ORC5: variants seen among roughly 807,000 people sequenced by gnomAD.
ORC5 encodes the protein origin recognition complex subunit 5.
Under a neutral mutation model 58.8 loss-of-function variants are expected in ORC5, and 39 were observed. The ratio of observed to expected loss-of-function variants is 0.66; its 90% CI spans 0.51 to 0.87. ORC5 has a LOEUF of 0.87. Among genes scored for constraint, ORC5 ranks in the 40% least tolerant of loss-of-function variants. The pLI is 0.00. For synonymous variants in ORC5, 218 were observed against 177.6 expected (o/e 1.23, Z -1.81); for missense variants, 493 against 506.3 (o/e 0.97, Z 0.25).
At chr7:104,128,393 G>A (rs1798461983) in intron 13 of ORC5, among the ~76,000 whole-genome samples, 1 of 152,134 alleles carries the variant, frequency 6.6e-6, no homozygotes, top group African/African-American at 2.4e-5. Context: ...AAAGTGCTAG[G>A]ATCACAGGCG....
chr7:104,176,995 A>T (rs1799335681), intron 8 of ORC5, among the ~76,000 whole-genome samples: 1 of 152,238 alleles, frequency 6.6e-6, no homozygotes, highest in Non-Finnish European at 1.5e-5. Context: ...TTGTTGGTTT[A>T]ATAAAAACAG....
intron 9 of ORC5, chr7:104,168,184 T>C: frequency 1.4e-6 from 1 of 731,794 alleles, no homozygotes; most frequent in Non-Finnish European, 1.8e-6. Context: ...TGTCACATAA[T>C]TAGATTGCTT....
intron 4 of ORC5, among the ~76,000 whole-genome samples, chr7:104,197,473 CTAAAA>C (rs1799827206): frequency 6.6e-6 from 1 of 152,074 alleles, no homozygotes; most frequent in African/African-American, 2.4e-5. Flanking sequence ...CTAGCAACAT[CTAAAA>C]CTTTTAATAG....
chr7:104,204,663 AT>A (rs1403519610), intron 1 of ORC5, among the ~76,000 whole-genome samples: 27 of 152,338 alleles, frequency 1.8e-4, no homozygotes, highest in South Asian at 6.2e-4. Flanking sequence ...TAAAGTACAT[AT>A]AATCAAAAGA....
At chr7:104,139,998 T>C (rs894589731) in intron 12 of ORC5, among the ~76,000 whole-genome samples, 3 of 152,066 alleles carry the variant, frequency 2.0e-5, no homozygotes, top group African/African-American at 7.2e-5. Flanking sequence ...TTACGTTTTG[T>C]TGACAAACCT....
rs142978774 is a variant in ORC5, at chr7:104,204,160, C to T, written c.147G>A (p.Thr49=). ...TTCTTACCTCTAAAGTTTTCAACAA[C>T]GTTTGTGTTACATAGGTCTTTCCAC... The part of the protein sequence containing the change: ...TASGKTYVTQ[T]LLKTLELPHV... The change falls in exon 2 of 14, where the codon ACG becomes ACA. Residue 49 remains threonine (T), a synonymous_variant. Transcript: ENST00000297431. The T allele has an allele frequency of 1.1e-4, 177 of 1,574,650 alleles. No homozygotes were observed. Among genetic ancestry groups the T allele is most frequent in the Non-Finnish European group, 1.5e-4 (168 of 1,154,600 alleles).
Position 104,133,503 on chromosome 7 carries a change from G to A in ORC5, c.1262+3278C>T, listed in dbSNP as rs1798544619. 6.6e-6 allele frequency among the ~76,000 whole-genome samples: 1 copy of A among 152,152 alleles called. No homozygotes were observed. Among genetic ancestry groups the A allele is most frequent in the Admixed American group, 6.5e-5 (1 of 15,284 alleles). On this transcript the variant is annotated intron_variant, in intron 13 of 13. Transcript: ENST00000297431. This position sits in a 1 kb window ranked among gnomAD's most constrained non-coding sequence, Gnocchi z 4.7. ...AGGAAAGCCAGATATTTCACTTTTT[G>A]TTGGTGGGTTGAAGCAGAGGTTAGA... is the stretch of plus-strand genomic sequence containing the variant.
intron 12 of ORC5, among the ~76,000 whole-genome samples, chr7:104,160,677 T>C (rs549193364): frequency 4.6e-5 from 7 of 152,222 alleles, no homozygotes; most frequent in Admixed American, 6.5e-5. Flanking sequence ...GCAAAGTACA[T>C]AGATGAGGAA....
rs1486863677 is a variant in ORC5 at position 104,145,538 on chromosome 7, A to C, written c.1150-8645T>G. ...ATTGAGCTTTGAATTACCAAGGAAC[A>C]CATTTCAGGAACAAACACTAACAAA... is the stretch of plus-strand genomic sequence containing the variant. On this transcript the variant is annotated intron_variant, in intron 12 of 13. Coordinates refer to ENST00000297431, the MANE Select transcript of ORC5 (RefSeq NM_002553.4). Among the ~76,000 whole-genome samples, 5 of 152,186 alleles carry C rather than the reference A, an allele frequency of 3.3e-5. No homozygotes were observed. The East Asian group carries it at 9.6e-4, about 29-fold the overall frequency.
intron 13 of ORC5, among the ~76,000 whole-genome samples, chr7:104,134,183 A>G (rs1798554091): frequency 6.6e-6 from 1 of 152,010 alleles, no homozygotes; most frequent in South Asian, 2.1e-4. Context: ...GGCCTTTGGG[A>G]GGCCGATGCA....
intron 12 of ORC5, among the ~76,000 whole-genome samples, chr7:104,145,698 C>A (rs1022209550): frequency 6.6e-6 from 1 of 151,954 alleles, no homozygotes; most frequent in Non-Finnish European, 1.5e-5. Flanking sequence ...TAAGAGGCGA[C>A]CAAAAGAGGA....
At chr7:104,200,670 T>C (rs1476581046) in intron 3 of ORC5, 88 bp downstream of exon 3, 1 of 820,216 alleles carries the variant, frequency 1.2e-6, no homozygotes, top group Non-Finnish European at 2.0e-6. Context: ...CTGTACATAA[T>C]GAGACTCAAA....
At chr7:104,131,214 T>G (rs1798507788) in intron 13 of ORC5, among the ~76,000 whole-genome samples, 2 of 152,300 alleles carry the variant, frequency 1.3e-5, no homozygotes, top group Middle Eastern at 3.4e-3. Flanking sequence ...TTAGTCTCAA[T>G]TTTGTCTCCT....
chr7:104,160,958 T>C, intron 12 of ORC5, 114 bp downstream of exon 12: 2 of 656,032 alleles, frequency 3.0e-6, no homozygotes, highest in Non-Finnish European at 5.4e-6. Flanking sequence ...GTTCATTATA[T>C]AGTTAAAACA....
Position 104,148,554 on chromosome 7 carries a change from T to C in ORC5, c.1150-11661A>G, listed in dbSNP as rs554271271. ...ACAGGCAAATGTCCTGCCACAGGGA[T>C]ATAGAATAACCTTGAGAAGTAACAA... On this transcript the variant is annotated intron_variant, in intron 12 of 13. Transcript: ENST00000297431. 3.9e-5 allele frequency among the ~76,000 whole-genome samples: 6 copies of C among 152,268 alleles called. No homozygotes were observed. In the South Asian group the frequency reaches 1.2e-3, roughly 32 times the overall value.
chr7:104,184,171 C>A lies in ORC5; in HGVS notation c.685G>T (p.Ala229Ser), dbSNP rs773907332. 6 of 1,534,020 alleles carry A rather than the reference C, an allele frequency of 3.9e-6. No individual in the cohort carries two copies. Among genetic ancestry groups the A allele is most frequent in the African/African-American group, 2.8e-5 (2 of 71,104 alleles). ...CAATATTTAGGAAAATTAAGTACTG[C>A]CTGTAAGTAAAGAAAAAAAAAGAGA... ...CRDLKELRHL[A>S]VLNFPKYCEP... Residue 229 changes from alanine to serine, a missense_variant and splice_region_variant, in exon 7 of 14, where the codon GCA (alanine) becomes TCA (serine). Transcript: ENST00000297431.
rs554821371 is a variant in ORC5, at chr7:104,134,687, C to G, written c.1262+2094G>C. On this transcript the variant is annotated intron_variant, in intron 13 of 13. Coordinates refer to ENST00000297431, the MANE Select transcript of ORC5 (RefSeq NM_002553.4). Reference sequence around the variant, plus strand: ...GATTAGGGTTTGAGAAAATACATAGCTACAACTAGAGGTAAGTCCAGGGGA... The same window carrying G: ...GATTAGGGTTTGAGAAAATACATAGGTACAACTAGAGGTAAGTCCAGGGGA... 2.0e-5 allele frequency among the ~76,000 whole-genome samples: 3 copies of G among 152,184 alleles called. No individual in the cohort carries two copies. The East Asian group carries it at 5.8e-4, about 29-fold the overall frequency.
At chr7:104,182,098 C>G (rs1799446061) in intron 8 of ORC5, among the ~76,000 whole-genome samples, 1 of 152,154 alleles carries the variant, frequency 6.6e-6, no homozygotes, top group African/African-American at 2.4e-5. Flanking sequence ...TAGGTTCCCC[C>G]AATCCAACTT....
chr7:104,171,305 C>T (rs1799206887), intron 8 of ORC5, among the ~76,000 whole-genome samples: 1 of 152,038 alleles, frequency 6.6e-6, no homozygotes, highest in Non-Finnish European at 1.5e-5. Flanking sequence ...ATGGCTTTTC[C>T]ATGTTGTCTT....
Sources: gnomAD v4.1 joint callset for allele counts (sites outside exome capture counted in the v4.1 genomes callset) on GRCh38, gnomAD v4.1.1 for gene constraint, Gnocchi (gnomAD v3.1) non-coding constraint, MANE v1.5 for transcripts, NCBI Gene and HGNC (gene_info 2026-07-23, HGNC 2026-07-21) for gene names.